The following MKLN1 variants were observed in gnomAD, a reference collection of about 807,000 sequenced individuals.
MKLN1 encodes the protein muskelin.
A neutral mutation model predicts 99.0 loss-of-function variants in MKLN1; 18 were observed. The ratio of observed to expected loss-of-function variants is 0.18; its 90% CI spans 0.13 to 0.27. The LOEUF (loss-of-function observed/expected upper bound fraction) is 0.27. MKLN1 is among the 10% of genes least tolerant of loss of function. The probability of loss-of-function intolerance (pLI) is 1.00; values close to 1 mark genes in which losing one functional copy is unlikely to be tolerated. For synonymous variants in MKLN1, 288 were observed against 293.2 expected, an observed-to-expected ratio of 0.98 and a Z score of 0.18; for missense variants, 621 against 875.9, an observed-to-expected ratio of 0.71 and a Z score of 3.67.
intron 4 of MKLN1, among the ~76,000 whole-genome samples, chr7:131,389,802 T>C (rs1473222468): frequency 6.6e-6 from 1 of 151,540 alleles, no homozygotes; most frequent in Non-Finnish European, 1.5e-5. Flanking sequence ...GGTGGGAGAA[T>C]GCTGTGAACC....
rs887554993 is a variant in MKLN1, at chr7:131,490,968, A to G, written c.*3240A>G. The stretch of plus-strand genomic sequence containing the variant: ...TGATGCTTAATGGATCAAAAAAGCA[A>G]TTAGGAGTATGTTCCTGATTTTATT... On this transcript the variant is annotated 3_prime_UTR_variant, in exon 18 of 18. Transcript: ENST00000352689. 1 of 152,450 alleles carries G rather than the reference A, an allele frequency of 6.6e-6. No homozygotes were observed. The highest frequency in any genetic ancestry group is 2.4e-5 in the African/African-American group (1 of 41,462). The allele number at this position is 152,450 out of a possible 1,614,324, so 9.4% of individuals were successfully genotyped here.
intron 1 of MKLN1, among the ~76,000 whole-genome samples, chr7:131,349,218 CAG>C (rs1277175609): frequency 1.4e-5 from 2 of 147,372 alleles, no homozygotes; most frequent in African/African-American, 5.0e-5. Context: ...TTTTTTGAGA[CAG>C]AGTCTTGCTC....
intron 1 of MKLN1, among the ~76,000 whole-genome samples, chr7:131,344,926 C>A (rs555847556): frequency 1.3e-5 from 2 of 152,200 alleles, no homozygotes; most frequent in South Asian, 4.1e-4. Context: ...CTCGGCCTCC[C>A]GAGTAGCTGG....
At chr7:131,157,711 A>G (rs1458200102) in intron 2 of MKLN1, among the ~76,000 whole-genome samples, 2 of 152,186 alleles carry the variant, frequency 1.3e-5, no homozygotes, top group Non-Finnish European at 1.5e-5. Flanking sequence ...TTACCCGAGA[A>G]GCTGGTGACT....
intron 1 of MKLN1, among the ~76,000 whole-genome samples, chr7:131,113,867 A>C (rs1221929082): frequency 6.6e-6 from 1 of 152,038 alleles, no homozygotes; most frequent in Non-Finnish European, 1.5e-5. Context: ...CAGGAGAGAG[A>C]GAGCTTGCGG....
intron 1 of MKLN1, among the ~76,000 whole-genome samples, chr7:131,135,944 CAAT>C (rs1295362381): frequency 1.3e-5 from 2 of 152,076 alleles, no homozygotes; most frequent in Non-Finnish European, 2.9e-5. Context: ...TGAGTAGAAA[CAAT>C]GATGTGATTT....
chr7:131,451,406 A>G (rs1796173116), intron 12 of MKLN1, among the ~76,000 whole-genome samples: 1 of 152,138 alleles, frequency 6.6e-6, no homozygotes, highest in Non-Finnish European at 1.5e-5. Context: ...GAGCTCATAG[A>G]GTAAATTTGT....
Position 131,491,388 on chromosome 7 carries a change from G to T in MKLN1, c.*3660G>T, listed in dbSNP as rs1169338792. The T allele has an allele frequency of 6.6e-6, 1 of 152,058 alleles. No individual in the cohort carries two copies. Among genetic ancestry groups the T allele is most frequent in the Non-Finnish European group, 1.5e-5 (1 of 68,010 alleles). The allele number at this position is 152,058 out of a possible 1,614,324, so 9.4% of individuals were successfully genotyped here. On this transcript the variant is annotated 3_prime_UTR_variant, in exon 18 of 18. Transcript: ENST00000352689. Reference sequence around the variant, plus strand: ...GCCCAGAAAAAGTTTATGGCTGGAGGAGTATCATACAGTGTCTACATATGA... The same window carrying T: ...GCCCAGAAAAAGTTTATGGCTGGAGTAGTATCATACAGTGTCTACATATGA...
At chr7:131,247,943 G>C (rs924112518) in intron 3 of MKLN1, among the ~76,000 whole-genome samples, 4 of 152,092 alleles carry the variant, frequency 2.6e-5, no homozygotes, top group African/African-American at 9.7e-5. Flanking sequence ...CTGTCACCCA[G>C]ATTGGAGTGC....
At chr7:131,395,602 T>G (rs1794338040) in intron 4 of MKLN1, among the ~76,000 whole-genome samples, 1 of 151,772 alleles carries the variant, frequency 6.6e-6, no homozygotes, top group East Asian at 1.9e-4. Context: ...GCTAGCAGTT[T>G]TACACACCAT....
intron 3 of MKLN1, among the ~76,000 whole-genome samples, chr7:131,249,445 G>A (rs1797543934): frequency 6.6e-6 from 1 of 152,186 alleles, no homozygotes; most frequent in Admixed American, 6.5e-5. Flanking sequence ...TATAATCACT[G>A]TGTGGAGACA....
intron 2 of MKLN1, among the ~76,000 whole-genome samples, chr7:131,186,790 CA>C (rs1796458067): frequency 6.6e-6 from 1 of 152,148 alleles, no homozygotes; most frequent in Non-Finnish European, 1.5e-5. Context: ...ACCATATAAG[CA>C]TTAGCTATCT....
Position 131,464,305 on chromosome 7 carries a change from A to G in MKLN1, c.1685A>G (p.Tyr562Cys). The change falls in exon 14 of 18, where the codon TAT (tyrosine) becomes TGT (cysteine). Residue 562 changes from tyrosine (Y) to cysteine (C), a missense_variant. By Grantham distance (194) the Tyr-to-Cys change is radical. Around this residue, in one of 8 missense-constraint regions of MKLN1, gnomAD observed 30 missense variants for 29.3 expected, o/e 1.02. Coordinates refer to ENST00000352689, the MANE Select transcript of MKLN1 (RefSeq NM_013255.5). ...DIVRNSWSCVYKNDQAAKDNP... is the reference protein window; with the variant it reads ...DIVRNSWSCVCKNDQAAKDNP... The stretch of plus-strand genomic sequence containing the variant: ...GCAATGTCTTGCAGGTCTTGTGTCT[A>G]TAAGAATGATCAAGCTGCAAAGGAT... 1 of 1,608,574 alleles carries G rather than the reference A, an allele frequency of 6.2e-7. No individual in the cohort carries two copies. The highest frequency in any genetic ancestry group is 8.5e-7 in the Non-Finnish European group (1 of 1,175,290).
At chr7:131,229,280 T>C (rs929095914) in intron 3 of MKLN1, among the ~76,000 whole-genome samples, 1 of 152,026 alleles carries the variant, frequency 6.6e-6, no homozygotes, top group African/African-American at 2.4e-5. Flanking sequence ...GTCATCTACA[T>C]TAGGTATTTC....
chr7:131,378,822 A>C (rs1200202025), intron 2 of MKLN1, among the ~76,000 whole-genome samples: 1 of 151,566 alleles, frequency 6.6e-6, no homozygotes, highest in Non-Finnish European at 1.5e-5. Flanking sequence ...AGAGTGAGAG[A>C]CTGTCTCAAA....
intron 3 of MKLN1, among the ~76,000 whole-genome samples, chr7:131,280,111 T>C (rs1798029618): frequency 6.6e-6 from 1 of 152,184 alleles, no homozygotes; most frequent in African/African-American, 2.4e-5. Context: ...TCCAGGTTCA[T>C]CCATGTTGTA....
intron 1 of MKLN1, among the ~76,000 whole-genome samples, chr7:131,364,528 TTG>T (rs1800122167): frequency 6.6e-6 from 1 of 151,910 alleles, no homozygotes; most frequent in Non-Finnish European, 1.5e-5. Context: ...TTTTACATAG[TTG>T]TGTTATGGGG....
At chr7:131,229,142 T>C (rs1417545491) in intron 3 of MKLN1, among the ~76,000 whole-genome samples, 2 of 146,646 alleles carry the variant, frequency 1.4e-5, no homozygotes, top group Non-Finnish European at 3.0e-5. Context: ...GCTTAAGCCG[T>C]AGGTGGGTTT....
intron 1 of MKLN1, among the ~76,000 whole-genome samples, chr7:131,334,712 T>C (rs1164090254): frequency 6.6e-6 from 1 of 152,224 alleles, no homozygotes. Context: ...TACGTGTAGA[T>C]AAGATACATT....
Sources: allele counts gnomAD v4.1 joint callset (sites outside exome capture counted in the v4.1 genomes callset), GRCh38; gene constraint gnomAD v4.1.1; regional missense constraint gnomAD v4.1.1; transcripts MANE v1.5; gene names NCBI Gene and HGNC (gene_info 2026-07-23, HGNC 2026-07-21).